Variants in RABGAP1L observed in about 807,000 individuals in gnomAD.
RABGAP1L encodes the protein rab GTPase-activating protein 1-like.
Under a neutral mutation model 137.7 loss-of-function variants are expected in RABGAP1L, and 63 were observed. That is an observed-to-expected ratio of 0.46 (90% CI 0.37 to 0.56). The LOEUF (loss-of-function observed/expected upper bound fraction) is 0.56. Ranked by LOEUF, RABGAP1L falls within the 20% of genes least tolerant of loss-of-function variation. The pLI is 0.00. For synonymous variants in RABGAP1L, 431 were observed against 433.7 expected, an observed-to-expected ratio of 0.99 and a Z score of 0.08; for missense variants, 1,095 against 1,244.0, an observed-to-expected ratio of 0.88 and a Z score of 1.80.
chr1:174,344,797 A>T (rs930739201), intron 11 of RABGAP1L, among the ~76,000 whole-genome samples: 3 of 152,150 alleles, frequency 2.0e-5, no homozygotes, highest in Admixed American at 2.0e-4. Context: ...ACTTGATGTG[A>T]TCCCTTTTGT....
chr1:174,416,510 T>C (rs568899119), intron 13 of RABGAP1L, among the ~76,000 whole-genome samples: 6 of 152,200 alleles, frequency 3.9e-5, no homozygotes, highest in African/African-American at 1.4e-4. Flanking sequence ...AACAATAATA[T>C]TGGGTTAGAA....
intron 19 of RABGAP1L, among the ~76,000 whole-genome samples, chr1:174,846,029 A>G (rs1694010746): frequency 6.7e-6 from 1 of 149,248 alleles, no homozygotes; most frequent in African/African-American, 2.5e-5. Context: ...TGTTTGTAGT[A>G]TTCTCTGATG....
chr1:174,192,039 A>G (rs1054154069), intron 1 of RABGAP1L, among the ~76,000 whole-genome samples: 2 of 152,216 alleles, frequency 1.3e-5, no homozygotes, highest in African/African-American at 4.8e-5. Context: ...TGGTTAGAGT[A>G]TTAGACTGAA....
At chr1:174,188,382 T>C (rs1666966792) in intron 1 of RABGAP1L, among the ~76,000 whole-genome samples, 1 of 152,238 alleles carries the variant, frequency 6.6e-6, no homozygotes, top group Non-Finnish European at 1.5e-5. Flanking sequence ...GTATGTTTCT[T>C]ATACTTTTCT....
At chr1:174,750,289 T>G (rs1455807496) in intron 17 of RABGAP1L, among the ~76,000 whole-genome samples, 3 of 152,174 alleles carry the variant, frequency 2.0e-5, no homozygotes, top group Non-Finnish European at 4.4e-5. Context: ...TGGTCAGTTG[T>G]GTGCCTGAAC....
intron 17 of RABGAP1L, among the ~76,000 whole-genome samples, chr1:174,737,027 G>A (rs1019030314): frequency 3.9e-5 from 6 of 152,142 alleles, no homozygotes; most frequent in Admixed American, 1.3e-4. Context: ...CCATTGTCGT[G>A]GATATTAGCA....
intron 13 of RABGAP1L, among the ~76,000 whole-genome samples, chr1:174,471,063 G>C (rs1272588082): frequency 2.0e-5 from 3 of 151,618 alleles, no homozygotes; most frequent in African/African-American, 7.3e-5. Flanking sequence ...TTGATTTACT[G>C]ATATTGATTA....
intron 19 of RABGAP1L, among the ~76,000 whole-genome samples, chr1:174,936,437 CACAAAAAAT>C (rs1664807002): frequency 7.2e-5 from 11 of 151,762 alleles, no homozygotes; most frequent in Non-Finnish European, 1.5e-5. Flanking sequence ...ACCCTGTCTC[CACAAAAAAT>C]ACAAAAATTA....
intron 14 of RABGAP1L, among the ~76,000 whole-genome samples, chr1:174,651,200 C>T (rs200042065): frequency 0.076 from 11,552 of 151,126 alleles, 585 homozygotes; most frequent in East Asian, 0.31. Context: ...GTCTGAGAGA[C>T]AGTTTGTTAT....
intron 15 of RABGAP1L, among the ~76,000 whole-genome samples, chr1:174,687,362 T>C (rs1355363793): frequency 6.6e-6 from 1 of 152,220 alleles, no homozygotes; most frequent in Non-Finnish European, 1.5e-5. Context: ...TTGTCATGGC[T>C]TTTATAAAAA....
intron 11 of RABGAP1L, among the ~76,000 whole-genome samples, chr1:174,357,531 T>C (rs1032779605): frequency 2.0e-5 from 3 of 152,214 alleles, no homozygotes; most frequent in East Asian, 3.8e-4. Flanking sequence ...AGAAAAGACA[T>C]GTAAACATGA....
chr1:174,350,488 C>G (rs1431346542), intron 11 of RABGAP1L, among the ~76,000 whole-genome samples: 684 of 72,898 alleles, frequency 9.4e-3, no homozygotes, highest in Non-Finnish European at 0.011. Flanking sequence ...ACATCTCAGA[C>G]GATGGGCTGC....
chr1:174,718,201 T>C (rs1176800908), intron 17 of RABGAP1L, among the ~76,000 whole-genome samples: 2 of 152,220 alleles, frequency 1.3e-5, no homozygotes, highest in Non-Finnish European at 2.9e-5. Flanking sequence ...TTGGTTTGAG[T>C]TTTGGTTATT....
At chr1:174,329,116 TAA>T (rs1680803285) in intron 11 of RABGAP1L, among the ~76,000 whole-genome samples, 1 of 147,062 alleles carries the variant, frequency 6.8e-6, no homozygotes, top group South Asian at 2.1e-4. Context: ...ACTAAGAAAA[TAA>T]AAGAGACTAA....
intron 18 of RABGAP1L, among the ~76,000 whole-genome samples, chr1:174,783,236 C>T (rs1444211699): frequency 1.3e-5 from 2 of 152,190 alleles, no homozygotes; most frequent in Non-Finnish European, 2.9e-5. Context: ...CCAGGTTTGT[C>T]CTATTCTAGC....
chr1:174,165,667 T>A (rs866357643), intron 1 of RABGAP1L, among the ~76,000 whole-genome samples: 5 of 152,122 alleles, frequency 3.3e-5, no homozygotes, highest in Middle Eastern at 3.4e-3. Flanking sequence ...GCTTGGCTAA[T>A]TTTTCATTAC....
intron 6 of RABGAP1L, among the ~76,000 whole-genome samples, chr1:174,252,088 T>A (rs965393582): frequency 3.9e-5 from 6 of 151,946 alleles, no homozygotes; most frequent in African/African-American, 1.4e-4. Flanking sequence ...AGAGATGGGG[T>A]TTTACCATGT....
intron 13 of RABGAP1L, among the ~76,000 whole-genome samples, chr1:174,577,290 C>T (rs764833885): frequency 6.1e-5 from 9 of 147,844 alleles, no homozygotes; most frequent in Non-Finnish European, 1.2e-4. Context: ...TATGTATAGT[C>T]AATGGAAGAA....
intron 17 of RABGAP1L, among the ~76,000 whole-genome samples, chr1:174,749,175 C>CAA (rs199615357): frequency 8.4e-6 from 1 of 118,806 alleles, no homozygotes; most frequent in African/African-American, 2.8e-5. Context: ...GACTCTGTCT[C>CAA]AAAAAAAAAA....
Sources: gnomAD v4.1 joint callset for allele counts (sites outside exome capture counted in the v4.1 genomes callset) on GRCh38, gnomAD v4.1.1 for gene constraint, MANE v1.5 for transcripts, NCBI Gene and HGNC (gene_info 2026-07-23, HGNC 2026-07-21) for gene names.